The following LHFPL1 variants were observed in gnomAD, a reference collection of about 807,000 sequenced individuals.
The protein encoded by LHFPL1 is LHFPL tetraspan subfamily member 1 protein.
In LHFPL1, 4 loss-of-function variants were observed where a neutral mutation model predicts 12.1. That is an observed-to-expected ratio of 0.33 (90% CI 0.16 to 0.76). The LOEUF is 0.76. LHFPL1 is among the 30% of genes least tolerant of loss of function. The pLI is 0.61. For synonymous variants in LHFPL1, 52 were observed against 61.9 expected (o/e 0.84, Z 0.75); for missense variants, 141 against 174.1 (o/e 0.81, Z 1.07).
At position 112,644,046 on chromosome X, in the gene LHFPL1, T is replaced by G. The variant is rs750722535; in HGVS notation, c.482-12445A>C. Among the ~76,000 whole-genome samples the G allele has an allele frequency of 4.5e-5, 5 of 112,354 alleles. No individual in the cohort carries two copies. The East Asian group carries it at 1.4e-3, about 32-fold the overall frequency. ...AGCTCAGCACAGCTTCTTCTCTGGC[T>G]GGATACTCCTCTCTGTGTGGGCTAG... is the stretch of plus-strand genomic sequence containing the variant. On this transcript the variant is annotated intron_variant, in intron 3 of 3. Coordinates refer to ENST00000371968, the MANE Select transcript of LHFPL1 (RefSeq NM_178175.4).
chrX:112,632,286 G>A (rs755477016), intron 3 of LHFPL1, among the ~76,000 whole-genome samples: 2 of 111,684 alleles, frequency 1.8e-5, no homozygotes, highest in African/African-American at 6.5e-5. Context: ...TTTGAAGTGG[G>A]TAGTTTTCTC....
intron 3 of LHFPL1, among the ~76,000 whole-genome samples, chrX:112,646,194 C>T (rs1233597338): frequency 9.1e-6 from 1 of 110,462 alleles, no homozygotes; most frequent in Non-Finnish European, 1.9e-5. Flanking sequence ...TCTGGTGGGA[C>T]AGGGTCAGGT....
At chrX:112,649,703 A>G (rs1436260349) in intron 3 of LHFPL1, among the ~76,000 whole-genome samples, 4 of 111,924 alleles carry the variant, frequency 3.6e-5, no homozygotes, top group African/African-American at 1.3e-4. Flanking sequence ...AAAGCATTGT[A>G]CCTTTTTCAT....
At chrX:112,635,613 A>C (rs1930316463) in intron 3 of LHFPL1, among the ~76,000 whole-genome samples, 1 of 112,524 alleles carries the variant, frequency 8.9e-6, no homozygotes, top group Admixed American at 9.4e-5. Flanking sequence ...TGTAGTATGA[A>C]TATGATAAGT....
At chrX:112,679,739 A>C (rs1931751711) in intron 1 of LHFPL1, 90 bp downstream of exon 1, 1 of 111,483 alleles carries the variant, frequency 9.0e-6, no homozygotes. Context: ...CTGAGAAAGG[A>C]AGGGGAGAAG....
chrX:112,631,869 G>T (rs910437653), intron 3 of LHFPL1, among the ~76,000 whole-genome samples: 1 of 111,473 alleles, frequency 9.0e-6, no homozygotes, highest in Non-Finnish European at 1.9e-5. Context: ...GGTATGGGTG[G>T]CAATGCTAAT....
At chrX:112,632,316 G>A (rs955474388) in intron 3 of LHFPL1, among the ~76,000 whole-genome samples, 1 of 111,800 alleles carries the variant, frequency 8.9e-6, no homozygotes, top group South Asian at 3.8e-4. Flanking sequence ...TAATGGGAAA[G>A]GTCACCTGCT....
intron 2 of LHFPL1, among the ~76,000 whole-genome samples, chrX:112,670,627 T>C (rs993690002): frequency 1.8e-5 from 2 of 112,568 alleles, no homozygotes; most frequent in Non-Finnish European, 3.7e-5. Context: ...CTGAGATAAC[T>C]ACCAGAGAGC....
rs1369403690 is a variant in LHFPL1, at chrX:112,678,831, C to A, written c.-15+998G>T. Among the ~76,000 whole-genome samples, 6 of 111,911 alleles carry A rather than the reference C, an allele frequency of 5.4e-5. No individual in the cohort carries two copies. The East Asian group carries it at 1.7e-3, about 31-fold the overall frequency. On this transcript the variant is annotated intron_variant, in intron 1 of 3. Transcript: ENST00000371968. The stretch of plus-strand genomic sequence containing the variant: ...AATGGGAACTAATGATTGAGGAATA[C>A]TGTTTTAGTGGAAAAGTCACAATTT...
chrX:112,663,209 C>A (rs888177237), intron 2 of LHFPL1, among the ~76,000 whole-genome samples: 3 of 111,903 alleles, frequency 2.7e-5, no homozygotes, highest in African/African-American at 9.7e-5. Context: ...TCTTTCTGTT[C>A]CCATAGCACC....
chrX:112,670,986 C>A, intron 2 of LHFPL1, 23 bp downstream of exon 2: 1 of 1,193,849 alleles, frequency 8.4e-7, no homozygotes, highest in Non-Finnish European at 1.1e-6. Flanking sequence ...CCAACCTACC[C>A]AATCCCAGAA....
At chrX:112,635,966 CA>C (rs1190356097) in intron 3 of LHFPL1, among the ~76,000 whole-genome samples, 1 of 111,330 alleles carries the variant, frequency 9.0e-6, no homozygotes, top group African/African-American at 3.3e-5. Context: ...AGTTTCTGAG[CA>C]GGGAACGATA....
chrX:112,678,684 T>C (rs891049305), intron 1 of LHFPL1, among the ~76,000 whole-genome samples: 10 of 112,310 alleles, frequency 8.9e-5, no homozygotes, highest in African/African-American at 2.6e-4. Flanking sequence ...AGAATCACTT[T>C]CAATGCTTGT....
intron 2 of LHFPL1, among the ~76,000 whole-genome samples, chrX:112,669,664 A>G (rs748998008): frequency 8.9e-6 from 1 of 112,156 alleles, no homozygotes; most frequent in East Asian, 2.8e-4. Flanking sequence ...ACTTAGAACT[A>G]TTGACATTTT....
chrX:112,667,960 G>A (rs764989510), intron 2 of LHFPL1, among the ~76,000 whole-genome samples: 2 of 111,073 alleles, frequency 1.8e-5, no homozygotes, highest in East Asian at 2.8e-4. Flanking sequence ...GAGTCAGGCA[G>A]GGGAAGGGGG....
At chrX:112,640,842 T>C (rs1930484696) in intron 3 of LHFPL1, among the ~76,000 whole-genome samples, 1 of 111,054 alleles carries the variant, frequency 9.0e-6, no homozygotes, top group South Asian at 3.8e-4. Context: ...TGTGTGTGTA[T>C]GGATCATGTC....
Position 112,631,360 on chromosome X carries a change from G to A in LHFPL1, c.*60C>T, listed in dbSNP as rs1930183262. 1.9e-6 allele frequency: 2 copies of A among 1,053,399 alleles called. No individual in the cohort carries two copies. The highest frequency in any genetic ancestry group is 2.6e-6 in the Non-Finnish European group (2 of 769,703). 86.8% of individuals were successfully genotyped at this position (1,053,399 alleles called of 1,213,427 possible). ...CAGATGACAAATGGCCTAATCCTTA[G>A]TACCTCTTTTCAGGGCTCCCTCCTC... is the stretch of plus-strand genomic sequence containing the variant. On this transcript the variant is annotated 3_prime_UTR_variant, in exon 4 of 4. Transcript: ENST00000371968.
At chrX:112,633,823 A>G (rs947644710) in intron 3 of LHFPL1, among the ~76,000 whole-genome samples, 6 of 111,767 alleles carry the variant, frequency 5.4e-5, no homozygotes, top group African/African-American at 2.0e-4. Context: ...CCTTTGAGAA[A>G]GGAGCTCAAC....
At chrX:112,669,841 G>T (rs1931443636) in intron 2 of LHFPL1, among the ~76,000 whole-genome samples, 1 of 111,482 alleles carries the variant, frequency 9.0e-6, no homozygotes, top group Non-Finnish European at 1.9e-5. Flanking sequence ...CCAGGGGGGA[G>T]GGGCATGCAA....
Sources: gnomAD v4.1 joint callset for allele counts (sites outside exome capture counted in the v4.1 genomes callset) on GRCh38, gnomAD v4.1.1 for gene constraint, MANE v1.5 for transcripts, NCBI Gene and HGNC (gene_info 2026-07-23, HGNC 2026-07-21) for gene names.